Variants in CACNB2 observed in about 807,000 individuals in gnomAD.
The protein encoded by CACNB2 is voltage-dependent L-type calcium channel subunit beta-2.
A neutral mutation model predicts 73.3 loss-of-function variants in CACNB2; 42 were observed. That is an observed-to-expected ratio of 0.57 (90% confidence interval 0.45 to 0.74). CACNB2 has a LOEUF of 0.74. Ranked by LOEUF, CACNB2 falls within the 30% of genes least tolerant of loss-of-function variation. The pLI is 0.00. For synonymous variants in CACNB2, 348 were observed against 310.3 expected (o/e 1.12, Z -1.28); for missense variants, 940 against 853.0 (o/e 1.10, Z -1.27).
intron 2 of CACNB2, among the ~76,000 whole-genome samples, chr10:18,341,812 G>C (rs756740398): frequency 2.1e-4 from 32 of 152,120 alleles, no homozygotes; most frequent in Non-Finnish European, 8.8e-5. Flanking sequence ...ATATCTTTGT[G>C]GTCATTTCTT....
chr10:18,526,801 G>A (rs2052512762), intron 9 of CACNB2, among the ~76,000 whole-genome samples: 1 of 152,044 alleles, frequency 6.6e-6, no homozygotes, highest in South Asian at 2.1e-4. Context: ...AGCTATCTGA[G>A]GGAAGACTGG....
At chr10:18,521,474 G>C (rs551490748) in intron 9 of CACNB2, among the ~76,000 whole-genome samples, 187 of 152,332 alleles carry the variant, frequency 1.2e-3, no homozygotes, top group African/African-American at 4.4e-3. Context: ...GTCATATCTA[G>C]TGTGTCACGC....
Position 18,539,994 on chromosome 10 carries a change from C to G in CACNB2, c.*270C>G. ...CAAAAACTGTTTTGGGTAGCTGCCA[C>G]TTGAACAAAATCTGTTGCCACCCAG... is the stretch of plus-strand genomic sequence containing the variant. On this transcript the variant is annotated 3_prime_UTR_variant, in exon 14 of 14. Transcript: ENST00000324631. 1 of 368,608 alleles carries G rather than the reference C, an allele frequency of 2.7e-6. No individual in the cohort carries two copies. Among genetic ancestry groups the G allele is most frequent in the South Asian group, 3.5e-5 (1 of 28,730 alleles). 22.8% of individuals were successfully genotyped at this position (368,608 alleles called of 1,614,324 possible).
At chr10:18,514,464 A>T (rs2051077317) in intron 7 of CACNB2, 95 bp downstream of exon 7, 3 of 1,613,860 alleles carry the variant, frequency 1.9e-6, no homozygotes, top group Non-Finnish European at 2.5e-6. Context: ...TTGATAAGCC[A>T]ATAACGTGCA....
rs114926699 is a variant in CACNB2, at chr10:18,343,215, A to G, written c.214-58709A>G. ...GAACATGGTATCTTTAATAACTGCA[A>G]TTGAGTGCCATTATTCTTAGACCCA... On this transcript the variant is annotated intron_variant, in intron 2 of 13. Transcript: ENST00000324631. 2.5e-3 allele frequency among the ~76,000 whole-genome samples: 378 copies of G among 152,280 alleles called. 3 individuals are homozygous for G. The highest frequency in any genetic ancestry group is 8.5e-3 in the African/African-American group (353 of 41,562).
chr10:18,481,436 G>A (rs1015914360), intron 3 of CACNB2, among the ~76,000 whole-genome samples: 1 of 150,034 alleles, frequency 6.7e-6, no homozygotes, highest in Non-Finnish European at 1.5e-5. Flanking sequence ...TAGTAGAGAT[G>A]GAGTTTTACC....
At chr10:18,421,458 C>T (rs901258431) in intron 3 of CACNB2, among the ~76,000 whole-genome samples, 23 of 151,834 alleles carry the variant, frequency 1.5e-4, no homozygotes, top group South Asian at 2.1e-4. Flanking sequence ...CCACCACACC[C>T]GGCTAATTTT....
chr10:18,507,508 C>A (rs897922645), intron 6 of CACNB2, among the ~76,000 whole-genome samples: 1 of 152,160 alleles, frequency 6.6e-6, no homozygotes, highest in Non-Finnish European at 1.5e-5. Context: ...ATGTATGGAA[C>A]ATACTTATGC....
chr10:18,141,380 A>G (rs2130982631), intron 1 of CACNB2, among the ~76,000 whole-genome samples: 1 of 152,310 alleles, frequency 6.6e-6, no homozygotes, highest in Admixed American at 6.5e-5. Flanking sequence ...ATCCCCCCAG[A>G]GCTGCCCGGA....
chr10:18,411,792 G>C (rs1198897707), intron 3 of CACNB2, among the ~76,000 whole-genome samples: 1 of 152,208 alleles, frequency 6.6e-6, no homozygotes, highest in African/African-American at 2.4e-5. Context: ...ACAGGCGTGA[G>C]CCACTGTGCC....
At chr10:18,483,700 T>TA (rs1325875205) in intron 3 of CACNB2, among the ~76,000 whole-genome samples, 1 of 152,172 alleles carries the variant, frequency 6.6e-6, no homozygotes, top group Admixed American at 6.5e-5. Flanking sequence ...CGAATTAACA[T>TA]AAAATATAAT....
At chr10:18,255,729 G>C (rs914355409) in intron 2 of CACNB2, among the ~76,000 whole-genome samples, 1 of 152,182 alleles carries the variant, frequency 6.6e-6, no homozygotes, top group East Asian at 1.9e-4. Flanking sequence ...AGTTGCAGAC[G>C]TACTGTGAAG....
intron 2 of CACNB2, among the ~76,000 whole-genome samples, chr10:18,357,847 C>T (rs1217170707): frequency 6.6e-6 from 1 of 152,070 alleles, no homozygotes; most frequent in Non-Finnish European, 1.5e-5. Context: ...GTCATTGAAA[C>T]AACCAAAAAT....
chr10:18,340,310 G>GA (rs1277243882), intron 2 of CACNB2, among the ~76,000 whole-genome samples: 2 of 152,020 alleles, frequency 1.3e-5, no homozygotes, highest in South Asian at 2.1e-4. Flanking sequence ...ATTTGACTGT[G>GA]AAAAAAATTA....
intron 2 of CACNB2, among the ~76,000 whole-genome samples, chr10:18,223,955 T>C (rs1631911): frequency 0.86 from 129,555 of 151,406 alleles, 55,926 homozygotes; most frequent in African/African-American, 0.97. Flanking sequence ...CTACCCCTTC[T>C]ACTAACATAT....
At chr10:18,427,559 T>C (rs188915741) in intron 3 of CACNB2, among the ~76,000 whole-genome samples, 12 of 152,370 alleles carry the variant, frequency 7.9e-5, no homozygotes, top group Non-Finnish European at 1.8e-4. Context: ...GTTCTGATTA[T>C]GTATTCCTTG....
chr10:18,341,248 A>G (rs1416566645), intron 2 of CACNB2, among the ~76,000 whole-genome samples: 1 of 152,182 alleles, frequency 6.6e-6, no homozygotes, highest in Non-Finnish European at 1.5e-5. Context: ...AGACAAATTT[A>G]GTGGAAAATG....
At chr10:18,419,457 C>T (rs1019131905) in intron 3 of CACNB2, among the ~76,000 whole-genome samples, 1 of 152,104 alleles carries the variant, frequency 6.6e-6, no homozygotes, top group Admixed American at 6.5e-5. Flanking sequence ...GACACGGAGC[C>T]CTAGTCACAC....
intron 2 of CACNB2, among the ~76,000 whole-genome samples, chr10:18,399,871 A>G (rs904518825): frequency 1.3e-5 from 2 of 152,234 alleles, no homozygotes; most frequent in African/African-American, 4.8e-5. Context: ...CAGGAAATTA[A>G]TAACTTTAGT....
Sources: allele counts gnomAD v4.1 joint callset (sites outside exome capture counted in the v4.1 genomes callset), GRCh38; gene constraint gnomAD v4.1.1; transcripts MANE v1.5; gene names NCBI Gene and HGNC (gene_info 2026-07-23, HGNC 2026-07-21).